The following FRY variants were observed in gnomAD, a reference collection of about 807,000 sequenced individuals.
FRY encodes protein furry homolog.
A neutral mutation model predicts 348.4 loss-of-function variants in FRY; 128 were observed. That is an observed-to-expected ratio of 0.37 (90% CI 0.32 to 0.43). The LOEUF (loss-of-function observed/expected upper bound fraction) is 0.43, where lower values mean the gene tolerates loss of function less well. Among genes scored for constraint, FRY ranks in the 20% least tolerant of loss-of-function variants. The pLI is 1.00. For synonymous variants in FRY, 1,370 were observed against 1,374.7 expected, an observed-to-expected ratio of 1.00 and a Z score of 0.08; for missense variants, 2,736 against 3,695.2, an observed-to-expected ratio of 0.74 and a Z score of 6.73.
intron 1 of FRY, among the ~76,000 whole-genome samples, chr13:32,045,722 C>T (rs1872985657): frequency 6.6e-6 from 1 of 152,152 alleles, no homozygotes; most frequent in Admixed American, 6.5e-5. Context: ...CCAGTGATAT[C>T]ATTGGAGTAT....
intron 27 of FRY, 148 bp downstream of exon 27, chr13:32,186,568 C>T: frequency 1.5e-6 from 1 of 663,514 alleles, no homozygotes; most frequent in Admixed American, 2.2e-5. Flanking sequence ...ATCACATGGA[C>T]ACACACGTAC....
intron 51 of FRY, among the ~76,000 whole-genome samples, chr13:32,260,900 G>A (rs565126439): frequency 1.3e-5 from 2 of 152,370 alleles, no homozygotes; most frequent in African/African-American, 4.8e-5. Flanking sequence ...GGAGGCCGAG[G>A]CAGGTGGATC....
At chr13:32,290,620 A>G (rs2138649701) in intron 59 of FRY, among the ~76,000 whole-genome samples, 1 of 152,252 alleles carries the variant, frequency 6.6e-6, no homozygotes, top group Non-Finnish European at 1.5e-5. Context: ...CGCACCTAGG[A>G]GTATTTCAGG....
intron 28 of FRY, among the ~76,000 whole-genome samples, chr13:32,188,457 C>T (rs1883150106): frequency 6.6e-6 from 1 of 152,110 alleles, no homozygotes; most frequent in African/African-American, 2.4e-5. Flanking sequence ...AAATTGCCCT[C>T]ATTTGATGAG....
chr13:32,276,992 A>G (rs1415839031), intron 57 of FRY, among the ~76,000 whole-genome samples: 1 of 152,178 alleles, frequency 6.6e-6, no homozygotes. Context: ...TCTTGGCCTC[A>G]GCTCTTGCTC....
chr13:32,179,438 A>T (rs1431602187), intron 22 of FRY, among the ~76,000 whole-genome samples: 4 of 151,348 alleles, frequency 2.6e-5, no homozygotes, highest in Non-Finnish European at 4.4e-5. Context: ...GAAGACCGTT[A>T]TAAAAAAAAT....
intron 1 of FRY, among the ~76,000 whole-genome samples, chr13:32,046,080 T>C (rs1359317902): frequency 6.6e-6 from 1 of 152,216 alleles, no homozygotes; most frequent in Non-Finnish European, 1.5e-5. Context: ...GCTCTTTAAA[T>C]ATCATATTGT....
intron 1 of FRY, among the ~76,000 whole-genome samples, chr13:32,071,509 C>G (rs1269504005): frequency 6.6e-6 from 1 of 152,158 alleles, no homozygotes; most frequent in African/African-American, 2.4e-5. Context: ...ATTTGGCTCT[C>G]TGTTTGTATG....
intron 2 of FRY, among the ~76,000 whole-genome samples, chr13:32,096,223 T>C (rs1252864462): frequency 1.3e-5 from 2 of 152,276 alleles, no homozygotes; most frequent in South Asian, 2.1e-4. Context: ...ATCTTGGTAA[T>C]GTTAAAATGT....
chr13:32,098,288 A>C (rs918093639), intron 2 of FRY, among the ~76,000 whole-genome samples: 5 of 152,136 alleles, frequency 3.3e-5, no homozygotes, highest in African/African-American at 1.2e-4. Context: ...TCATCAATCA[A>C]CAGTGTCTGA....
intron 1 of FRY, among the ~76,000 whole-genome samples, chr13:32,051,528 G>A (rs987906814): frequency 1.3e-5 from 2 of 152,192 alleles, no homozygotes; most frequent in African/African-American, 4.8e-5. Context: ...TGCTAACTCT[G>A]TGAGACGAGT....
chr13:32,247,258 C>T, intron 47 of FRY, 65 bp from the exon 48 acceptor site: 1 of 1,332,112 alleles, frequency 7.5e-7, no homozygotes, highest in East Asian at 2.4e-5. Flanking sequence ...ACTGGTCATT[C>T]TGACATACAT....
At chr13:32,045,779 A>C (rs1350859141) in intron 1 of FRY, among the ~76,000 whole-genome samples, 3 of 152,206 alleles carry the variant, frequency 2.0e-5, no homozygotes. Context: ...TTACTGTGGT[A>C]CTACAAACAC....
intron 1 of FRY, among the ~76,000 whole-genome samples, chr13:32,064,907 A>G (rs188854859): frequency 2.8e-4 from 43 of 152,344 alleles, no homozygotes; most frequent in African/African-American, 9.6e-4. Flanking sequence ...TAATCATGTC[A>G]TATGATAAAA....
At chr13:32,281,234 G>A (rs983962887) in intron 58 of FRY, among the ~76,000 whole-genome samples, 1 of 152,192 alleles carries the variant, frequency 6.6e-6, no homozygotes, top group African/African-American at 2.4e-5. Flanking sequence ...CTGTACACAC[G>A]TAATCTCATT....
At chr13:32,269,476 A>T (rs1040904018) in intron 55 of FRY, among the ~76,000 whole-genome samples, 4 of 152,210 alleles carry the variant, frequency 2.6e-5, no homozygotes, top group Non-Finnish European at 5.9e-5. Flanking sequence ...GGACCACCTG[A>T]GGTCAGAAAT....
At chr13:32,098,758 G>A (rs1304048643) in intron 2 of FRY, among the ~76,000 whole-genome samples, 1 of 151,954 alleles carries the variant, frequency 6.6e-6, no homozygotes, top group African/African-American at 2.4e-5. Context: ...AGCATTTGAC[G>A]CATTGTGAAC....
chr13:32,247,283 T>C (rs776394203), intron 47 of FRY, 40 bp from the exon 48 acceptor site: 4 of 1,545,932 alleles, frequency 2.6e-6, no homozygotes, highest in Non-Finnish European at 3.6e-6. Context: ...TTTAAAAAAA[T>C]TAAATTATTT....
In FRY at chr13:32,210,877, G is replaced by A; in HGVS notation, c.4434G>A (p.Val1478=). The change falls in exon 34 of 61, where the codon GTG becomes GTA. Residue 1478 remains valine (V), a synonymous_variant. Transcript: ENST00000542859. ...DTVLLPYIKK[V]AIYLCRNNTI... ...TTTTTCCTTCTCAGATTAAAAAAGTGGCAATATACTTGTGCCGTAACAACA... is the reference window on the plus strand; with the variant it reads ...TTTTTCCTTCTCAGATTAAAAAAGTAGCAATATACTTGTGCCGTAACAACA... The A allele has an allele frequency of 6.2e-7, 1 of 1,613,824 alleles. No homozygotes were observed. Among genetic ancestry groups the A allele is most frequent in the East Asian group, 2.2e-5 (1 of 44,886 alleles).
Sources: gnomAD v4.1 joint callset for allele counts (sites outside exome capture counted in the v4.1 genomes callset) on GRCh38, gnomAD v4.1.1 for gene constraint, MANE v1.5 for transcripts, NCBI Gene and HGNC (gene_info 2026-07-23, HGNC 2026-07-21) for gene names.